Variants in PITPNC1 observed in about 807,000 individuals in gnomAD.
PITPNC1 encodes the protein phosphatidylinositol transfer protein cytoplasmic 1, also known as cytoplasmic phosphatidylinositol transfer protein 1.
PITPNC1 carries 18 observed loss-of-function variants against 44.7 expected under a neutral mutation model. The ratio of observed to expected loss-of-function variants is 0.40; its 90% CI spans 0.28 to 0.60. The LOEUF is 0.60. Among genes scored for constraint, PITPNC1 ranks in the 20% least tolerant of loss-of-function variants. PITPNC1 has a pLI of 0.39. For synonymous variants in PITPNC1, 141 were observed against 149.6 expected, an observed-to-expected ratio of 0.94 and a Z score of 0.42; for missense variants, 290 against 418.4, an observed-to-expected ratio of 0.69 and a Z score of 2.68.
At position 67,676,863 on chromosome 17, in the gene PITPNC1, A is replaced by G. The variant is rs1376756691; in HGVS notation, c.682+1321A>G. On this transcript the variant is annotated intron_variant, in intron 8 of 8. Transcript: ENST00000581322. This position sits in a 1 kb window ranked among gnomAD's most constrained non-coding sequence, Gnocchi z 4.0. ...TCTTACCTCCTTTTGCAGTTTTCCC[A>G]GATCTGCACCTTCTGAAGAGCAAAT... Among the ~76,000 whole-genome samples, 1 of 150,600 alleles carries G rather than the reference A, an allele frequency of 6.6e-6. No individual in the cohort carries two copies. Among genetic ancestry groups the G allele is most frequent in the Non-Finnish European group, 1.5e-5 (1 of 67,792 alleles).
At chr17:67,610,190 C>T (rs1216046531) in intron 5 of PITPNC1, among the ~76,000 whole-genome samples, 1 of 152,096 alleles carries the variant, frequency 6.6e-6, no homozygotes, top group Non-Finnish European at 1.5e-5. Context: ...GATCTCAGGC[C>T]CCACCCTAGA....
At chr17:67,580,279 C>G (rs1270886342) in intron 5 of PITPNC1, among the ~76,000 whole-genome samples, 1 of 152,156 alleles carries the variant, frequency 6.6e-6, no homozygotes, top group Non-Finnish European at 1.5e-5. Context: ...TGTGGACTCT[C>G]ATGAAAAGGA....
intron 5 of PITPNC1, among the ~76,000 whole-genome samples, chr17:67,627,547 C>G (rs1159271443): frequency 6.6e-6 from 1 of 152,222 alleles, no homozygotes; most frequent in Admixed American, 6.5e-5. Context: ...CTGGGAGGTT[C>G]TCAGTGACAG....
intron 1 of PITPNC1, among the ~76,000 whole-genome samples, chr17:67,488,960 C>T (rs192171568): frequency 1.9e-4 from 29 of 152,246 alleles, no homozygotes; most frequent in African/African-American, 6.0e-4. Flanking sequence ...TTCCATTGTA[C>T]GGATATACCA....
At chr17:67,637,052 C>T (rs983124913) in intron 6 of PITPNC1, among the ~76,000 whole-genome samples, 10 of 152,178 alleles carry the variant, frequency 6.6e-5, no homozygotes, top group Non-Finnish European at 2.9e-5. Context: ...CTAGATCATG[C>T]TAGGTTATGC....
chr17:67,455,082 A>T (rs1054713684), intron 1 of PITPNC1, among the ~76,000 whole-genome samples: 4 of 152,116 alleles, frequency 2.6e-5, no homozygotes, highest in Admixed American at 2.6e-4. Context: ...TGGCTTTCCA[A>T]AGTGCTGGGT....
chr17:67,462,864 G>A (rs1386173906), intron 1 of PITPNC1, among the ~76,000 whole-genome samples: 3 of 152,234 alleles, frequency 2.0e-5, no homozygotes, highest in Middle Eastern at 3.4e-3. Flanking sequence ...CGCTACGCCC[G>A]GCTAATTTTG....
At chr17:67,657,831 G>A (rs746765915) in intron 6 of PITPNC1, among the ~76,000 whole-genome samples, 27 of 152,180 alleles carry the variant, frequency 1.8e-4, no homozygotes, top group Non-Finnish European at 3.8e-4. Flanking sequence ...CTGAACTGAA[G>A]TGAGCTGTCA....
At chr17:67,439,104 A>C (rs2038976393) in intron 1 of PITPNC1, among the ~76,000 whole-genome samples, 1 of 152,208 alleles carries the variant, frequency 6.6e-6, no homozygotes, top group Non-Finnish European at 1.5e-5. Flanking sequence ...GAATTAATTA[A>C]AGGTGTTTCT....
Position 67,692,934 on chromosome 17 carries a change from G to GT in PITPNC1, c.*48dup, listed in dbSNP as rs770192380. On this transcript the variant is annotated 3_prime_UTR_variant, in exon 9 of 9. Transcript: ENST00000581322. ...GGGTTTTATATTTTCATTTGTTGTT[G>GT]TTGTTTTTTTTTAAGAATCTTCTGA... is the stretch of plus-strand genomic sequence containing the variant. 296 of 1,247,214 alleles carry GT rather than the reference G, an allele frequency of 2.4e-4. No individual in the cohort carries two copies. The highest frequency in any genetic ancestry group is 1.5e-3 in the Admixed American group (64 of 43,142). The allele number at this position is 1,247,214 out of a possible 1,614,324, so 77.3% of individuals were successfully genotyped here.
chr17:67,392,910 A>T (rs2143803656), intron 1 of PITPNC1, among the ~76,000 whole-genome samples: 1 of 152,250 alleles, frequency 6.6e-6, no homozygotes, highest in Admixed American at 6.5e-5. Context: ...ACTTGAGGTC[A>T]GGAGTTGGAA....
At chr17:67,566,555 A>G (rs567419866) in intron 4 of PITPNC1, among the ~76,000 whole-genome samples, 1 of 152,330 alleles carries the variant, frequency 6.6e-6, no homozygotes, top group East Asian at 1.9e-4. Flanking sequence ...AAGCCATTAT[A>G]TTTCAATTCA....
intron 2 of PITPNC1, among the ~76,000 whole-genome samples, chr17:67,546,461 T>C (rs2144153873): frequency 6.6e-6 from 1 of 152,282 alleles, no homozygotes; most frequent in Admixed American, 6.5e-5. Flanking sequence ...CCCTCTTCCC[T>C]GTGCTCCTGT....
At chr17:67,477,271 A>C (rs1398145627) in intron 1 of PITPNC1, among the ~76,000 whole-genome samples, 2 of 94,688 alleles carry the variant, frequency 2.1e-5, no homozygotes, top group Non-Finnish European at 4.0e-5. Flanking sequence ...TTTGAGATGG[A>C]GTTTCACTCT....
At chr17:67,632,579 T>C (rs1035494073) in intron 6 of PITPNC1, among the ~76,000 whole-genome samples, 1 of 150,512 alleles carries the variant, frequency 6.6e-6, no homozygotes, top group Non-Finnish European at 1.5e-5. Context: ...CTTTTTTTTT[T>C]TTTTTTCTTT....
At chr17:67,601,457 G>A (rs2041538538) in intron 5 of PITPNC1, among the ~76,000 whole-genome samples, 2 of 152,230 alleles carry the variant, frequency 1.3e-5, no homozygotes, top group East Asian at 3.9e-4. Context: ...GGAGTTACAA[G>A]AGGAAGAGCA....
intron 7 of PITPNC1, among the ~76,000 whole-genome samples, chr17:67,674,142 C>T (rs1433900300): frequency 6.6e-6 from 1 of 152,026 alleles, no homozygotes; most frequent in African/African-American, 2.4e-5. Flanking sequence ...CCATCCCCTC[C>T]AGCATTTATC....
chr17:67,600,893 C>T (rs1216112484), intron 5 of PITPNC1, among the ~76,000 whole-genome samples: 1 of 151,946 alleles, frequency 6.6e-6, no homozygotes, highest in Non-Finnish European at 1.5e-5. Context: ...AGACATAAAT[C>T]CTTACATCAA....
In PITPNC1 at chr17:67,597,106, C is replaced by A. The variant is rs925514359; in HGVS notation, c.366+18849C>A. Among the ~76,000 whole-genome samples the A allele has an allele frequency of 1.7e-4, 26 of 151,926 alleles. No homozygotes were observed. The highest frequency in any genetic ancestry group is 6.3e-4 in the African/African-American group (26 of 41,354). On this transcript the variant is annotated intron_variant, in intron 5 of 8. Transcript: ENST00000581322. This position sits in a 1 kb window ranked among gnomAD's most constrained non-coding sequence, Gnocchi z 4.0. ...ATGAAGTCTTCCTATATTACCCAGG[C>A]TGATCTTGAACCCCTGGGCTCAAGT...
Sources: allele counts gnomAD v4.1 joint callset (sites outside exome capture counted in the v4.1 genomes callset), GRCh38; gene constraint gnomAD v4.1.1; non-coding constraint Gnocchi (gnomAD v3.1); transcripts MANE v1.5; gene names NCBI Gene and HGNC (gene_info 2026-07-23, HGNC 2026-07-21).